Variants in MEAK7 observed in about 807,000 individuals in gnomAD.
MEAK7 encodes MTOR-associated protein MEAK7.
Under a neutral mutation model 40.5 loss-of-function variants are expected in MEAK7, and 68 were observed. The ratio of observed to expected loss-of-function variants is 1.68; its 90% CI spans 1.38 to 2.06. The LOEUF (loss-of-function observed/expected upper bound fraction) is 2.06. MEAK7 is among the 30% of genes most tolerant of loss of function. MEAK7 has a pLI of 0.00. For missense variants in MEAK7, 918 were observed against 580.5 expected (o/e 1.58, Z -5.98); for synonymous variants, 338 against 231.9 (o/e 1.46, Z -4.16).
In MEAK7 at chr16:84,489,361, C is replaced by A; in HGVS notation, c.446G>T (p.Gly149Val). The A allele has an allele frequency of 6.2e-7, 1 of 1,614,204 alleles. No individual in the cohort carries two copies. The highest frequency in any genetic ancestry group is 2.2e-5 in the East Asian group (1 of 44,882). ...HVLSHRQELR[G>V]WTGKEAPGPN... The stretch of plus-strand genomic sequence containing the variant: ...CCCTGGGGCTTCCTTCCCAGTCCAG[C>A]CTCTCAGCTCCTGTCTGTGGCTTAG... Residue 149 changes from glycine (G) to valine (V), a missense_variant, in exon 4 of 8, where the codon GGC (glycine) becomes GTC (valine). Coordinates refer to ENST00000343629, the MANE Select transcript of MEAK7 (RefSeq NM_020947.4).
At chr16:84,485,569 C>T (rs1476685191) in intron 5 of MEAK7, among the ~76,000 whole-genome samples, 1 of 152,182 alleles carries the variant, frequency 6.6e-6, no homozygotes, top group Non-Finnish European at 1.5e-5. Context: ...GGATGGTGGC[C>T]CACTCTCAAG....
intron 2 of MEAK7, among the ~76,000 whole-genome samples, chr16:84,496,766 A>T (rs1914085161): frequency 6.6e-6 from 1 of 151,864 alleles, no homozygotes; most frequent in Non-Finnish European, 1.5e-5. Context: ...ACTCTCCCAC[A>T]ATCTGCTCCC....
At chr16:84,491,706 C>T (rs372138636) in intron 3 of MEAK7, among the ~76,000 whole-genome samples, 60 of 151,462 alleles carry the variant, frequency 4.0e-4, no homozygotes, top group African/African-American at 9.2e-4. Context: ...GGCGTGGTGG[C>T]GTGCACCTGT....
At chr16:84,485,094 C>T (rs1236475008) in intron 5 of MEAK7, among the ~76,000 whole-genome samples, 3 of 152,136 alleles carry the variant, frequency 2.0e-5, no homozygotes, top group Non-Finnish European at 2.9e-5. Context: ...CCCCGGAGCC[C>T]GAGGCTGGGC....
rs1912236301 is a variant in MEAK7 at position 84,478,579 on chromosome 16, A to C, written c.*1334T>G. On this transcript the variant is annotated 3_prime_UTR_variant, in exon 8 of 8. Coordinates refer to ENST00000343629, the MANE Select transcript of MEAK7 (RefSeq NM_020947.4). Reference sequence around the variant, plus strand: ...TATATCTTAGAGACAAGCTCACAGCACCTTTAAGTGGGGAGATCTCATGGC... The same window carrying C: ...TATATCTTAGAGACAAGCTCACAGCCCCTTTAAGTGGGGAGATCTCATGGC... 6.6e-6 allele frequency: 1 copy of C among 152,264 alleles called. No homozygotes were observed. The allele number at this position is 152,264 out of a possible 1,614,324, so 9.4% of individuals were successfully genotyped here.
chr16:84,492,830 C>T (rs543108598), intron 3 of MEAK7, among the ~76,000 whole-genome samples: 9 of 152,272 alleles, frequency 5.9e-5, no homozygotes, highest in East Asian at 1.9e-4. Context: ...AATCCACCCA[C>T]CTTGGCCTCC....
rs767019852 is a variant in MEAK7 at position 84,487,038 on chromosome 16, G to A, written c.551C>T (p.Pro184Leu). ...KLQDGKRLLGPQWLDYDCDRA... is the reference protein window; with the variant it reads ...KLQDGKRLLGLQWLDYDCDRA... ...GTCACAGTCATAGTCCAGCCACTGG[G>A]GCCCCAGAAGTCTCTTGCCATCTAG... The change falls in exon 5 of 8, where the codon CCC (proline) becomes CTC (leucine). Residue 184 changes from proline to leucine, a missense_variant. Coordinates refer to ENST00000343629, the MANE Select transcript of MEAK7 (RefSeq NM_020947.4). The A allele has an allele frequency of 6.2e-7, 1 of 1,612,494 alleles. No individual in the cohort carries two copies.
Position 84,482,644 on chromosome 16 carries a change from T to C in MEAK7, c.1025A>G (p.Asn342Ser). 1 of 1,614,210 alleles carries C rather than the reference T, an allele frequency of 6.2e-7. No homozygotes were observed. Among genetic ancestry groups the C allele is most frequent in the Non-Finnish European group, 8.5e-7 (1 of 1,180,040 alleles). The change falls in exon 6 of 8, where the codon AAC becomes AGC. Residue 342 changes from asparagine (N) to serine (S), a missense_variant. Physicochemically the swap from Asn to Ser is conservative, Grantham distance 46. Transcript: ENST00000343629. Reference protein sequence around the residue: ...SMAVYTHTGYNDHYMYLNHGQ... With the variant: ...SMAVYTHTGYSDHYMYLNHGQ... The stretch of plus-strand genomic sequence containing the variant: ...ATGGTTCAAGTACATGTAGTGGTCG[T>C]TGTAGCCCGTGTGTGTGTACACAGC...
At chr16:84,489,006 C>G (rs1246193815) in intron 4 of MEAK7, among the ~76,000 whole-genome samples, 1 of 151,846 alleles carries the variant, frequency 6.6e-6, no homozygotes, top group African/African-American at 2.4e-5. Context: ...CAAAAAGTAC[C>G]GACAAAAATG....
Position 84,486,770 on chromosome 16 carries a change from C to G in MEAK7, c.819G>C (p.Glu273Asp), listed in dbSNP as rs1273302677. The G allele has an allele frequency of 1.9e-6, 3 of 1,614,040 alleles. No individual in the cohort carries two copies. The highest frequency in any genetic ancestry group is 1.7e-6 in the Non-Finnish European group (2 of 1,179,910). ...GCTGGGAGAAGCTGTGTCCATGGAG[C>G]TCAGACGAAAAGAGCAGGCACCAGC... is the stretch of plus-strand genomic sequence containing the variant. ...RHRWCLLFSS[E>D]LHGHSFSQLC... The change falls in exon 5 of 8, where the codon GAG becomes GAC. Residue 273 changes from glutamate (E) to aspartate (D), a missense_variant. Coordinates refer to ENST00000343629, the MANE Select transcript of MEAK7 (RefSeq NM_020947.4).
chr16:84,481,035 C>T (rs1413419482), intron 6 of MEAK7, among the ~76,000 whole-genome samples: 1 of 142,572 alleles, frequency 7.0e-6, no homozygotes, highest in Admixed American at 7.2e-5. Context: ...CCTCCAGGGC[C>T]CAGGGCCCCG....
intron 2 of MEAK7, chr16:84,497,074 C>G (rs1914111156): frequency 6.3e-6 from 1 of 158,960 alleles, no homozygotes; most frequent in Admixed American, 6.2e-5. Context: ...TTGTTTGAGA[C>G]AGGGTCTCCC....
chr16:84,499,865 C>T (rs1202279026), intron 1 of MEAK7: 2 of 152,244 alleles, frequency 1.3e-5, no homozygotes, highest in African/African-American at 2.4e-5. Context: ...AGCAAGACCT[C>T]ATCTCTACTA....
rs1221834726 is a variant in MEAK7, at chr16:84,480,596, G to C, written c.1190C>G (p.Ala397Gly). ...CTTYNSPQLS[A>G]QENFQFDKME... ...CTTATCAAACTGGAAGTTCTCCTGA[G>C]CCGACAGCTGCGGGCTGTTGTACGT... Residue 397 changes from alanine to glycine, a missense_variant, in exon 7 of 8, where the codon GCT becomes GGT. Ala to Gly is a moderately conservative substitution (Grantham distance 60). Coordinates refer to ENST00000343629, the MANE Select transcript of MEAK7 (RefSeq NM_020947.4). 1 of 1,613,964 alleles carries C rather than the reference G, an allele frequency of 6.2e-7. No homozygotes were observed. The highest frequency in any genetic ancestry group is 1.3e-5 in the African/African-American group (1 of 74,910).
chr16:84,484,924 C>A (rs1033163099), intron 5 of MEAK7, among the ~76,000 whole-genome samples: 1 of 152,206 alleles, frequency 6.6e-6, no homozygotes, highest in Admixed American at 6.5e-5. Context: ...ATTAAGTCTG[C>A]TTGTTAATAA....
In MEAK7 at chr16:84,497,955, G is replaced by C; in HGVS notation, c.132C>G (p.Ser44=). 1 of 1,614,190 alleles carries C rather than the reference G, an allele frequency of 6.2e-7. No individual in the cohort carries two copies. The highest frequency in any genetic ancestry group is 8.5e-7 in the Non-Finnish European group (1 of 1,180,038). Residue 44 remains serine, a synonymous_variant, in exon 2 of 8, where the codon TCC becomes TCG. Transcript: ENST00000343629. ...TTGCCTGTAGTGCCTTCAGAGAGAA[G>C]GATTTGGATGAGACATTCGGGCTGT... is the stretch of plus-strand genomic sequence containing the variant. ...DKNSPNVSSK[S]FSLKALQNHV...
At position 84,480,038 on chromosome 16, in the gene MEAK7, A is replaced by C; in HGVS notation, c.1258-12T>G. ...TTGTTGCCCTTGGCCTTGAGAAGAGAAGAAAGGGTGGGTGTGTTCCATGAT... is the reference window on the plus strand; with the variant it reads ...TTGTTGCCCTTGGCCTTGAGAAGAGCAGAAAGGGTGGGTGTGTTCCATGAT... On this transcript the variant is annotated splice_polypyrimidine_tract_variant and intron_variant, in intron 7 of 7. Transcript: ENST00000343629. The C allele has an allele frequency of 6.3e-7, 1 of 1,580,814 alleles. No individual in the cohort carries two copies. Among genetic ancestry groups the C allele is most frequent in the East Asian group, 2.3e-5 (1 of 43,730 alleles).
intron 1 of MEAK7, among the ~76,000 whole-genome samples, chr16:84,500,520 T>A (rs952799711): frequency 1.3e-5 from 2 of 152,192 alleles, no homozygotes; most frequent in African/African-American, 4.8e-5. Context: ...ACTGCTAATG[T>A]GCCCCTCTGC....
chr16:84,493,831 G>A (rs1000477498), intron 3 of MEAK7, among the ~76,000 whole-genome samples: 6 of 152,168 alleles, frequency 3.9e-5, no homozygotes, highest in Non-Finnish European at 8.8e-5. Context: ...GACCTGTAGA[G>A]CTGATAAAAG....
Sources: allele counts gnomAD v4.1 joint callset (sites outside exome capture counted in the v4.1 genomes callset), GRCh38; gene constraint gnomAD v4.1.1; transcripts MANE v1.5; gene names NCBI Gene and HGNC (gene_info 2026-07-23, HGNC 2026-07-21).